Variants in ARHGAP32 observed in about 807,000 individuals in gnomAD.
ARHGAP32 encodes rho GTPase-activating protein 32.
ARHGAP32 carries 51 observed loss-of-function variants against 186.5 expected under a neutral mutation model. The ratio of observed to expected loss-of-function variants is 0.27; its 90% CI spans 0.22 to 0.35. ARHGAP32 has a LOEUF of 0.35. Among genes scored for constraint, ARHGAP32 ranks in the 10% least tolerant of loss-of-function variants. The pLI, the probability that ARHGAP32 is intolerant of heterozygous loss-of-function variation, is 1.00. For missense variants in ARHGAP32, 2,186 were observed against 2,623.5 expected (o/e 0.83, Z 3.64); for synonymous variants, 950 against 964.3 (o/e 0.99, Z 0.27).
At chr11:129,111,603 A>T (rs558618181) in intron 5 of ARHGAP32, among the ~76,000 whole-genome samples, 1 of 152,198 alleles carries the variant, frequency 6.6e-6, no homozygotes, top group Admixed American at 6.5e-5. Flanking sequence ...CGGTTTTCTA[A>T]GTCTTCCTGA....
intron 2 of ARHGAP32, among the ~76,000 whole-genome samples, chr11:129,156,985 G>T (rs753349999): frequency 6.6e-6 from 1 of 152,108 alleles, no homozygotes; most frequent in Non-Finnish European, 1.5e-5. Context: ...GCAGCAGAGG[G>T]GCCTCACTAT....
chr11:129,148,043 A>C (rs1943205521), intron 2 of ARHGAP32, among the ~76,000 whole-genome samples: 1 of 152,202 alleles, frequency 6.6e-6, no homozygotes, highest in Admixed American at 6.5e-5. Flanking sequence ...GGAAAGCCTT[A>C]CATCTTAAGT....
At chr11:129,253,878 CAG>C (rs1188587517) in intron 1 of ARHGAP32, among the ~76,000 whole-genome samples, 1 of 152,078 alleles carries the variant, frequency 6.6e-6, no homozygotes, top group Non-Finnish European at 1.5e-5. Context: ...GATCCACTAA[CAG>C]AGGAAAATTT....
rs139481905 is a variant in ARHGAP32 at position 129,173,942 on chromosome 11, G to A, written c.117-9515C>T. 1.8e-3 allele frequency among the ~76,000 whole-genome samples: 279 copies of A among 152,346 alleles called. 3 individuals are homozygous for A. Among genetic ancestry groups the A allele is most frequent in the African/African-American group, 6.4e-3 (267 of 41,598 alleles). On this transcript the variant is annotated intron_variant, in intron 1 of 22. Coordinates refer to ENST00000682385, the MANE Select transcript of ARHGAP32 (RefSeq NM_001378024.1). ...AAATTGGAAAAGAAAGAGGAGCCAAGATGGCCAAATAGGAACAGCTCCGGT... is the reference window on the plus strand; with the variant it reads ...AAATTGGAAAAGAAAGAGGAGCCAAAATGGCCAAATAGGAACAGCTCCGGT...
intron 1 of ARHGAP32, among the ~76,000 whole-genome samples, chr11:129,257,932 A>C (rs1005639695): frequency 3.9e-5 from 6 of 152,188 alleles, no homozygotes; most frequent in Non-Finnish European, 8.8e-5. Context: ...CTCTTAGAAT[A>C]GGTGTGAAAA....
At chr11:129,004,050 G>C (rs1158278466) in intron 11 of ARHGAP32, among the ~76,000 whole-genome samples, 1 of 151,718 alleles carries the variant, frequency 6.6e-6, no homozygotes, top group Non-Finnish European at 1.5e-5. Context: ...CATAGGTTTT[G>C]GTATGTTGTT....
chr11:129,173,909 A>T (rs1272201628), intron 1 of ARHGAP32, among the ~76,000 whole-genome samples: 2 of 152,198 alleles, frequency 1.3e-5, no homozygotes, highest in Non-Finnish European at 1.5e-5. Flanking sequence ...AAGCAAGAAA[A>T]AATGTAAAAA....
In ARHGAP32 at chr11:129,112,832, A is replaced by T. The variant is rs530358609; in HGVS notation, c.444+10614T>A. Among the ~76,000 whole-genome samples, 141 of 152,318 alleles carry T rather than the reference A, an allele frequency of 9.3e-4. 1 individual carries two copies. Among genetic ancestry groups the T allele is most frequent in the Non-Finnish European group, 1.9e-3 (129 of 68,022 alleles). On this transcript the variant is annotated intron_variant, in intron 5 of 22. Coordinates refer to ENST00000682385, the MANE Select transcript of ARHGAP32 (RefSeq NM_001378024.1). ...CTTTTCTCAAATCATATTATAGTCT[A>T]TAAGTATGCCCTTCTTATAGCAATC...
At position 128,986,202 on chromosome 11, in the gene ARHGAP32, C is replaced by T. The variant is rs559239937; in HGVS notation, c.1444-117G>A. The T allele has an allele frequency of 1.3e-4, 100 of 778,352 alleles. No homozygotes were observed. In the East Asian group the frequency reaches 2.5e-3, roughly 19 times the overall value. 48.2% of individuals were successfully genotyped at this position (778,352 alleles called of 1,614,324 possible). Reference sequence around the variant, plus strand: ...TGCTTTGCTCTTGGATGTGAAATGGCGAGGAAACACAACATTGTATTCAGG... The same window carrying T: ...TGCTTTGCTCTTGGATGTGAAATGGTGAGGAAACACAACATTGTATTCAGG... On this transcript the variant is annotated intron_variant, in intron 14 of 22. Transcript: ENST00000682385.
chr11:129,179,447 T>G (rs1268844916), intron 1 of ARHGAP32, among the ~76,000 whole-genome samples: 6 of 152,106 alleles, frequency 3.9e-5, no homozygotes, highest in African/African-American at 7.2e-5. Flanking sequence ...TTAATGGGTA[T>G]ATACCCAAAG....
intron 5 of ARHGAP32, among the ~76,000 whole-genome samples, chr11:129,118,978 T>C (rs1942448199): frequency 6.6e-6 from 1 of 152,082 alleles, no homozygotes; most frequent in African/African-American, 2.4e-5. Context: ...TGAGCAATTA[T>C]CTGTACTAAT....
intron 6 of ARHGAP32, among the ~76,000 whole-genome samples, chr11:129,082,257 T>G (rs536225371): frequency 6.6e-6 from 1 of 151,992 alleles, no homozygotes; most frequent in South Asian, 2.1e-4. Flanking sequence ...AAAACAATCC[T>G]AAAATTCATA....
At chr11:129,252,730 A>G (rs1322468126) in intron 1 of ARHGAP32, among the ~76,000 whole-genome samples, 1 of 152,232 alleles carries the variant, frequency 6.6e-6, no homozygotes, top group Non-Finnish European at 1.5e-5. Flanking sequence ...GTAAATGACT[A>G]TTAACCGTAA....
chr11:129,065,241 T>C (rs1565404543), intron 7 of ARHGAP32, among the ~76,000 whole-genome samples: 1 of 152,152 alleles, frequency 6.6e-6, no homozygotes, highest in Admixed American at 6.6e-5. Flanking sequence ...GATACATATT[T>C]GGCTTTTCTG....
At position 128,969,294 on chromosome 11, in the gene ARHGAP32, T is replaced by C; in HGVS notation, c.5919A>G (p.Pro1973=). Residue 1973 remains proline, a synonymous_variant, in exon 23 of 23, where the codon CCA becomes CCG. Coordinates refer to ENST00000682385, the MANE Select transcript of ARHGAP32 (RefSeq NM_001378024.1). The surrounding 1 kb of genome is among the most constrained non-coding windows in gnomAD (Gnocchi z 4.8). ...TGTAGCAGTCTCTGGAGTGTTTCTC[T>C]GGGGCAGAAGGCTGCCTAACCCAGG... ...ERPWVRQPSA[P]EKHSRDCYKE... is the part of the protein sequence containing the mutation. 1.2e-6 allele frequency: 2 copies of C among 1,614,218 alleles called. No homozygotes were observed. Among genetic ancestry groups the C allele is most frequent in the East Asian group, 2.2e-5 (1 of 44,878 alleles).
intron 5 of ARHGAP32, among the ~76,000 whole-genome samples, chr11:129,105,670 T>C (rs1032523811): frequency 2.6e-5 from 4 of 151,974 alleles, no homozygotes; most frequent in East Asian, 1.9e-4. Flanking sequence ...CTCTTAAGGA[T>C]AGACGAAAAC....
chr11:129,028,257 C>T (rs1311719869), intron 11 of ARHGAP32, among the ~76,000 whole-genome samples: 1 of 152,128 alleles, frequency 6.6e-6, no homozygotes, highest in African/African-American at 2.4e-5. Context: ...GGGCTGAATG[C>T]AAATTCAAGT....
chr11:128,967,923 G>GTTTTTT lies in ARHGAP32; in HGVS notation c.*983_*984insAAAAAA, dbSNP rs1565341977. ...TGTCTATCCAGTCAAACCATGCTGGGCTTTTTTTTTTTTTTTTTTTTTTAA... is the reference window on the plus strand; with the variant it reads ...TGTCTATCCAGTCAAACCATGCTGGGTTTTTTCTTTTTTTTTTTTTTTTTTTTTTAA... On this transcript the variant is annotated 3_prime_UTR_variant, in exon 23 of 23. Coordinates refer to ENST00000682385, the MANE Select transcript of ARHGAP32 (RefSeq NM_001378024.1). 1 of 132,840 alleles carries GTTTTTT rather than the reference G, an allele frequency of 7.5e-6. No homozygotes were observed. Among genetic ancestry groups the GTTTTTT allele is most frequent in the Non-Finnish European group, 1.6e-5 (1 of 63,386 alleles). The allele number at this position is 132,840 out of a possible 1,614,324, so 8.2% of individuals were successfully genotyped here. A position where few individuals can be genotyped will look rare whatever the true frequency, so the allele number is the denominator to read the frequency against.
At chr11:129,054,658 A>G (rs1031688977) in intron 10 of ARHGAP32, among the ~76,000 whole-genome samples, 3 of 152,200 alleles carry the variant, frequency 2.0e-5, no homozygotes, top group Non-Finnish European at 4.4e-5. Context: ...AAGAACACAA[A>G]TCTATTAATA....
Sources: allele counts gnomAD v4.1 joint callset (sites outside exome capture counted in the v4.1 genomes callset), GRCh38; gene constraint gnomAD v4.1.1; non-coding constraint Gnocchi (gnomAD v3.1); transcripts MANE v1.5; gene names NCBI Gene and HGNC (gene_info 2026-07-23, HGNC 2026-07-21).